Variants in DCC observed in about 807,000 individuals in gnomAD.
DCC encodes DCC netrin 1 receptor.
A neutral mutation model predicts 172.5 loss-of-function variants in DCC; 58 were observed. The ratio of observed to expected loss-of-function variants is 0.34; its 90% CI spans 0.27 to 0.42. DCC has a LOEUF of 0.42. DCC is among the 10% of genes least tolerant of loss of function. DCC has a pLI of 1.00. For missense variants in DCC, 1,740 were observed against 1,791.0 expected (o/e 0.97, Z 0.51); for synonymous variants, 709 against 644.5 (o/e 1.10, Z -1.52).
At chr18:52,996,325 G>T (rs1295643868) in intron 5 of DCC, among the ~76,000 whole-genome samples, 1 of 151,734 alleles carries the variant, frequency 6.6e-6, no homozygotes, top group African/African-American at 2.4e-5. Flanking sequence ...CACCATAATT[G>T]CATGTCTGAG....
At chr18:52,454,290 G>A (rs1387912074) in intron 1 of DCC, among the ~76,000 whole-genome samples, 1 of 152,114 alleles carries the variant, frequency 6.6e-6, no homozygotes, top group Admixed American at 6.5e-5. Flanking sequence ...TGAAAGCAAA[G>A]TTTAAAATTC....
At chr18:53,497,312 G>T (rs1468683063) in intron 26 of DCC, among the ~76,000 whole-genome samples, 2 of 152,186 alleles carry the variant, frequency 1.3e-5, no homozygotes, top group East Asian at 3.8e-4. Context: ...CGATTATCTT[G>T]AGAATCCTTT....
At chr18:52,944,239 C>T (rs567261228) in intron 5 of DCC, among the ~76,000 whole-genome samples, 3 of 152,222 alleles carry the variant, frequency 2.0e-5, no homozygotes, top group East Asian at 1.9e-4. Flanking sequence ...TTGCCTATTA[C>T]GATGAGAACA....
intron 10 of DCC, among the ~76,000 whole-genome samples, chr18:53,206,199 T>A (rs912580900): frequency 2.4e-4 from 1 of 4,154 alleles, no homozygotes; most frequent in Non-Finnish European, 5.5e-4. Context: ...CGTATACATA[T>A]ATAATACATA....
chr18:52,449,014 T>C (rs1036499000), intron 1 of DCC, among the ~76,000 whole-genome samples: 36 of 152,236 alleles, frequency 2.4e-4, no homozygotes, highest in African/African-American at 7.5e-4. Flanking sequence ...GAAAGAAATG[T>C]AATGGATTTA....
chr18:53,375,979 A>G (rs1028234515), intron 15 of DCC, among the ~76,000 whole-genome samples: 1 of 152,128 alleles, frequency 6.6e-6, no homozygotes, highest in Non-Finnish European at 1.5e-5. Context: ...GGTCTTACCT[A>G]TATCTTTTTT....
chr18:52,974,759 G>T (rs978234728), intron 5 of DCC, among the ~76,000 whole-genome samples: 35 of 152,156 alleles, frequency 2.3e-4, no homozygotes, highest in Admixed American at 1.0e-3. Context: ...AAGAGATGAT[G>T]ACTGCAGTGT....
chr18:52,723,947 T>C (rs536285427), intron 1 of DCC, among the ~76,000 whole-genome samples: 1 of 152,230 alleles, frequency 6.6e-6, no homozygotes, highest in East Asian at 1.9e-4. Context: ...AACCAGTCTG[T>C]CAACACTGTC....
chr18:52,729,674 C>G (rs534731346), intron 1 of DCC, among the ~76,000 whole-genome samples: 1 of 152,130 alleles, frequency 6.6e-6, no homozygotes. Flanking sequence ...TTAGATAATG[C>G]TAAAGTCAGT....
chr18:52,833,603 G>T (rs1194956476), intron 2 of DCC, among the ~76,000 whole-genome samples: 1 of 152,094 alleles, frequency 6.6e-6, no homozygotes, highest in East Asian at 1.9e-4. Flanking sequence ...CAATGCTAAG[G>T]TTTCTGGTCT....
intron 1 of DCC, among the ~76,000 whole-genome samples, chr18:52,465,809 G>C (rs1988768977): frequency 6.7e-6 from 1 of 150,032 alleles, no homozygotes; most frequent in African/African-American, 2.4e-5. Flanking sequence ...TATAAGATGG[G>C]TCACAATAAC....
intron 1 of DCC, among the ~76,000 whole-genome samples, chr18:52,711,717 G>A (rs1442926020): frequency 2.0e-5 from 3 of 152,090 alleles, no homozygotes. Flanking sequence ...TTCTCACTTT[G>A]TTCTTCTGAC....
At position 53,534,517 on chromosome 18, in the gene DCC, G is replaced by C. The variant is rs1346119322; in HGVS notation, c.*3864G>C. 1.3e-5 allele frequency: 2 copies of C among 152,182 alleles called. No homozygotes were observed. The highest frequency in any genetic ancestry group is 4.8e-5 in the African/African-American group (2 of 41,442). The allele number at this position is 152,182 out of a possible 1,614,324, so 9.4% of individuals were successfully genotyped here. A position where few individuals can be genotyped will look rare whatever the true frequency, so the allele number is the denominator to read the frequency against. The stretch of plus-strand genomic sequence containing the variant: ...TCTGTTTTTGTAAATCACATTCAAA[G>C]CAACATTTTACTCATAATTTGCATT... On this transcript the variant is annotated 3_prime_UTR_variant, in exon 29 of 29. Coordinates refer to ENST00000442544, the MANE Select transcript of DCC (RefSeq NM_005215.4).
At chr18:52,395,557 A>C (rs1986192442) in intron 1 of DCC, among the ~76,000 whole-genome samples, 1 of 152,022 alleles carries the variant, frequency 6.6e-6, no homozygotes, top group Non-Finnish European at 1.5e-5. Context: ...TCAGGAGAAG[A>C]TTTATCAGTT....
At chr18:52,913,086 C>A (rs1377563808) in intron 3 of DCC, among the ~76,000 whole-genome samples, 1 of 152,020 alleles carries the variant, frequency 6.6e-6, no homozygotes. Flanking sequence ...TGCCCCTCTC[C>A]ACACCAGATG....
At chr18:53,218,878 G>T (rs2055891310) in intron 12 of DCC, among the ~76,000 whole-genome samples, 1 of 151,948 alleles carries the variant, frequency 6.6e-6, no homozygotes, top group Non-Finnish European at 1.5e-5. Flanking sequence ...TAATTAGTTG[G>T]CTGGAACATA....
intron 5 of DCC, among the ~76,000 whole-genome samples, chr18:52,930,301 A>C (rs2145500897): frequency 6.6e-6 from 1 of 152,054 alleles, no homozygotes; most frequent in East Asian, 1.9e-4. Flanking sequence ...CATGTTTCTT[A>C]GTTTTAATTA....
intron 9 of DCC, among the ~76,000 whole-genome samples, chr18:53,192,860 T>C (rs1365908088): frequency 2.6e-5 from 4 of 152,222 alleles, no homozygotes; most frequent in Non-Finnish European, 1.5e-5. Context: ...GTTTAGTCTA[T>C]TCCAGTGTTT....
At chr18:52,564,488 CT>C (rs1387720654) in intron 1 of DCC, among the ~76,000 whole-genome samples, 1 of 151,844 alleles carries the variant, frequency 6.6e-6, no homozygotes, top group Non-Finnish European at 1.5e-5. Flanking sequence ...TAATTTTGTC[CT>C]CTAGGTTTTG....
Sources: gnomAD v4.1 joint callset for allele counts (sites outside exome capture counted in the v4.1 genomes callset) on GRCh38, gnomAD v4.1.1 for gene constraint, MANE v1.5 for transcripts, NCBI Gene and HGNC (gene_info 2026-07-23, HGNC 2026-07-21) for gene names.